Variants in CADPS2 observed in about 807,000 individuals in gnomAD.
CADPS2 encodes the protein calcium-dependent secretion activator 2.
CADPS2 carries 93 observed loss-of-function variants against 172.5 expected under a neutral mutation model. The observed-to-expected ratio is 0.54, with a 90% CI of 0.46 to 0.64. The LOEUF is 0.64. CADPS2 is among the 30% of genes least tolerant of loss of function. The pLI, the probability that CADPS2 is intolerant of heterozygous loss-of-function variation, is 0.00. For synonymous variants in CADPS2, 546 were observed against 555.2 expected, an observed-to-expected ratio of 0.98 and a Z score of 0.23; for missense variants, 1,420 against 1,565.9, an observed-to-expected ratio of 0.91 and a Z score of 1.57.
chr7:122,611,958 C>A (rs192420581), intron 6 of CADPS2, among the ~76,000 whole-genome samples: 1 of 152,012 alleles, frequency 6.6e-6, no homozygotes, highest in Admixed American at 6.6e-5. Context: ...AAGACAAAAT[C>A]CACATGATCA....
intron 1 of CADPS2, among the ~76,000 whole-genome samples, chr7:122,754,185 A>G (rs548939981): frequency 9.9e-5 from 15 of 152,272 alleles, no homozygotes; most frequent in Non-Finnish European, 2.1e-4. Flanking sequence ...TTGCTTTTCA[A>G]AACTGTCCCT....
chr7:122,405,672 A>G (rs2046560732), intron 20 of CADPS2, among the ~76,000 whole-genome samples: 1 of 150,216 alleles, frequency 6.7e-6, no homozygotes, highest in South Asian at 2.1e-4. Flanking sequence ...CAAAACAAAC[A>G]AAAAACCGGC....
At chr7:122,791,680 T>C (rs1339654288) in intron 1 of CADPS2, among the ~76,000 whole-genome samples, 1 of 152,212 alleles carries the variant, frequency 6.6e-6, no homozygotes, top group Admixed American at 6.5e-5. Flanking sequence ...CAAAACAGCC[T>C]ATCTTAGAAG....
intron 1 of CADPS2, among the ~76,000 whole-genome samples, chr7:122,821,413 C>T (rs1284879643): frequency 6.6e-6 from 1 of 152,132 alleles, no homozygotes; most frequent in Non-Finnish European, 1.5e-5. Flanking sequence ...AGGGATTATT[C>T]AGGCCCCCTC....
intron 9 of CADPS2, among the ~76,000 whole-genome samples, chr7:122,504,419 T>C (rs182938901): frequency 1.0e-3 from 156 of 152,286 alleles, no homozygotes; most frequent in African/African-American, 3.7e-3. Context: ...AGTCAGCACC[T>C]GATTGACTTG....
chr7:122,378,226 G>A (rs1379329761), intron 25 of CADPS2, among the ~76,000 whole-genome samples: 1 of 152,046 alleles, frequency 6.6e-6, no homozygotes, highest in Non-Finnish European at 1.5e-5. Flanking sequence ...AAGACATAAT[G>A]TGACAAGTAC....
chr7:122,750,144 T>C (rs1331614754), intron 1 of CADPS2, among the ~76,000 whole-genome samples: 2 of 152,128 alleles, frequency 1.3e-5, no homozygotes, highest in African/African-American at 4.8e-5. Flanking sequence ...TTTAACTGAA[T>C]GACTATTGTA....
At chr7:122,875,976 T>C (rs1477868016) in intron 1 of CADPS2, among the ~76,000 whole-genome samples, 2 of 152,042 alleles carry the variant, frequency 1.3e-5, no homozygotes, top group Non-Finnish European at 2.9e-5. Flanking sequence ...TACAAACTAT[T>C]GATTTCTAAA....
chr7:122,489,902 T>G (rs1257195632), intron 11 of CADPS2, among the ~76,000 whole-genome samples, 179 bp downstream of exon 11: 1 of 152,156 alleles, frequency 6.6e-6, no homozygotes, highest in Non-Finnish European at 1.5e-5. Context: ...CACGTACCAT[T>G]TACTCCAGAT....
At chr7:122,571,371 T>C (rs953684414) in intron 7 of CADPS2, among the ~76,000 whole-genome samples, 3 of 152,156 alleles carry the variant, frequency 2.0e-5, no homozygotes, top group Non-Finnish European at 2.9e-5. Flanking sequence ...AAAACCTCTA[T>C]TATTCTGAGG....
intron 1 of CADPS2, among the ~76,000 whole-genome samples, chr7:122,833,864 C>T (rs1323374319): frequency 6.6e-6 from 1 of 152,100 alleles, no homozygotes; most frequent in Admixed American, 6.5e-5. Flanking sequence ...TTTTAAAGCA[C>T]AGTTTAAATT....
At chr7:122,662,852 A>G (rs1007965528) in intron 3 of CADPS2, among the ~76,000 whole-genome samples, 2 of 152,190 alleles carry the variant, frequency 1.3e-5, no homozygotes, top group African/African-American at 2.4e-5. Flanking sequence ...GACCAGCATC[A>G]TATCTTTATA....
chr7:122,429,915 C>T (rs968482509), intron 17 of CADPS2, among the ~76,000 whole-genome samples: 5 of 151,758 alleles, frequency 3.3e-5, no homozygotes, highest in African/African-American at 7.3e-5. Context: ...CCTCTAGACA[C>T]AAACATTCTT....
At chr7:122,475,018 G>A (rs1172316390) in intron 12 of CADPS2, among the ~76,000 whole-genome samples, 3 of 152,118 alleles carry the variant, frequency 2.0e-5, no homozygotes, top group Non-Finnish European at 4.4e-5. Context: ...ATGGCAATGA[G>A]CGCTCTCAAG....
At chr7:122,762,489 C>A (rs1490673845) in intron 1 of CADPS2, among the ~76,000 whole-genome samples, 1 of 151,954 alleles carries the variant, frequency 6.6e-6, no homozygotes, top group East Asian at 1.9e-4. Flanking sequence ...ATACTCTTTA[C>A]CAGAAACTAA....
chr7:122,762,027 T>C (rs977124512), intron 1 of CADPS2, among the ~76,000 whole-genome samples: 10 of 69,804 alleles, frequency 1.4e-4, no homozygotes, highest in African/African-American at 5.0e-4. Flanking sequence ...TATATATATA[T>C]ATACACACAC....
intron 2 of CADPS2, among the ~76,000 whole-genome samples, chr7:122,700,983 G>C (rs1252988610): frequency 6.6e-6 from 1 of 151,908 alleles, no homozygotes; most frequent in Non-Finnish European, 1.5e-5. Context: ...TAGATTTCCT[G>C]GGTATTAATA....
Position 122,581,219 on chromosome 7 carries a change from C to G in CADPS2, c.1295G>C (p.Ser432Thr), listed in dbSNP as rs2068762188. 6.2e-7 allele frequency: 1 copy of G among 1,613,284 alleles called. No homozygotes were observed. The change falls in exon 7 of 30, where the codon AGC (serine) becomes ACC (threonine). Residue 432 changes from serine to threonine, a missense_variant. Ser to Thr is a moderately conservative substitution (Grantham distance 58, BLOSUM62 1). Coordinates refer to ENST00000449022, the MANE Select transcript of CADPS2 (RefSeq NM_017954.11). ...PVVKVKLFTE[S>T]TGVLALEDKE... is the part of the protein sequence containing the mutation. ...ATCTTCCAGGGCCAGAACTCCAGTG[C>G]TTTCTGTGAAGAGTTTCACTTTGAC...
chr7:122,565,676 A>T (rs1713340204), intron 7 of CADPS2, among the ~76,000 whole-genome samples: 2 of 152,214 alleles, frequency 1.3e-5, no homozygotes, highest in South Asian at 4.1e-4. Context: ...TAAAGGCAAC[A>T]GAGGTAAATA....
Sources: gnomAD v4.1 joint callset for allele counts (sites outside exome capture counted in the v4.1 genomes callset) on GRCh38, gnomAD v4.1.1 for gene constraint, MANE v1.5 for transcripts, NCBI Gene and HGNC (gene_info 2026-07-23, HGNC 2026-07-21) for gene names.